The following CARS2 variants were observed in gnomAD, a reference collection of about 807,000 sequenced individuals.
The protein encoded by CARS2 is cysteinyl-tRNA synthetase 2, mitochondrial.
Under a neutral mutation model 68.8 loss-of-function variants are expected in CARS2, and 52 were observed. The ratio of observed to expected loss-of-function variants is 0.76; its 90% confidence interval spans 0.61 to 0.95. The LOEUF is 0.95. Ranked by LOEUF, CARS2 falls within the 40% of genes least tolerant of loss-of-function variation. The probability of loss-of-function intolerance (pLI) is 0.00; values close to 1 mark genes in which losing one functional copy is unlikely to be tolerated. For missense variants in CARS2, 780 were observed against 754.2 expected (o/e 1.03, Z -0.40); for synonymous variants, 314 against 303.6 (o/e 1.03, Z -0.36).
At chr13:110,660,219 G>A (rs968534360) in intron 9 of CARS2, among the ~76,000 whole-genome samples, 3 of 152,172 alleles carry the variant, frequency 2.0e-5, no homozygotes, top group Non-Finnish European at 2.9e-5. Flanking sequence ...AATTCCAATA[G>A]TTCTCTTGCT....
intron 10 of CARS2, chr13:110,648,822 G>C (rs2062118325): frequency 6.6e-6 from 1 of 152,296 alleles, no homozygotes; most frequent in East Asian, 1.9e-4. Flanking sequence ...AGCTCAAAAA[G>C]AACTGCACAC....
intron 9 of CARS2, 159 bp from the exon 10 acceptor site, chr13:110,651,259 G>A: frequency 1.8e-6 from 1 of 558,830 alleles, no homozygotes; most frequent in Non-Finnish European, 3.2e-6. Context: ...ATTACCACCT[G>A]TTTCCTGGTG....
chr13:110,711,591 C>T (rs1336538677), intron 1 of CARS2, among the ~76,000 whole-genome samples: 1 of 152,244 alleles, frequency 6.6e-6, no homozygotes, highest in Non-Finnish European at 1.5e-5. Context: ...TTGCTTTTAA[C>T]TAGGCCAAGA....
intron 6 of CARS2, among the ~76,000 whole-genome samples, chr13:110,680,637 A>C (rs1308887586): frequency 1.4e-5 from 2 of 147,978 alleles, no homozygotes; most frequent in South Asian, 2.2e-4. Context: ...TTGCAAAAAA[A>C]CACACAGGAC....
chr13:110,656,224 AC>A (rs2062363218), intron 9 of CARS2, among the ~76,000 whole-genome samples: 1 of 152,132 alleles, frequency 6.6e-6, no homozygotes. Context: ...AATCACTTGA[AC>A]CTGGGAGGCA....
In CARS2 at chr13:110,665,585, A is replaced by T. The variant is rs2062626557; in HGVS notation, c.919+1755T>A. The T allele has an allele frequency of 2.0e-6, 2 of 985,164 alleles. No individual in the cohort carries two copies. The highest frequency in any genetic ancestry group is 2.4e-6 in the Non-Finnish European group (2 of 829,938). 61.0% of individuals were successfully genotyped at this position (985,164 alleles called of 1,614,324 possible). ...TGCCCTTCTTGCCCCCCAGCTCCAC[A>T]CTCGCAGAAGGGCTCACAGCAGGTC... On this transcript the variant is annotated intron_variant, in intron 8 of 14. Transcript: ENST00000257347. The surrounding 1 kb of genome is among the most constrained non-coding windows in gnomAD (Gnocchi z 4.3).
upstream of CARS2, among the ~76,000 whole-genome samples, chr13:110,708,478 A>C (rs986812924): frequency 1.3e-5 from 2 of 152,252 alleles, no homozygotes; most frequent in African/African-American, 4.8e-5. Flanking sequence ...TGTTCATAGA[A>C]CATCACAACT....
chr13:110,664,305 G>A (rs1407506642), intron 8 of CARS2: 1 of 608,520 alleles, frequency 1.6e-6, no homozygotes, highest in Non-Finnish European at 2.1e-6. Flanking sequence ...CCAGGAGTTT[G>A]GAGACCAGTC....
At chr13:110,692,273 C>T (rs2063493053) in intron 3 of CARS2, among the ~76,000 whole-genome samples, 1 of 151,398 alleles carries the variant, frequency 6.6e-6, no homozygotes, top group Non-Finnish European at 1.5e-5. Flanking sequence ...AGTTCAAGAC[C>T]AGCCTGGCCA....
chr13:110,688,380 T>G (rs1594375305), intron 3 of CARS2, among the ~76,000 whole-genome samples: 1 of 152,150 alleles, frequency 6.6e-6, no homozygotes, highest in Admixed American at 6.5e-5. Flanking sequence ...GACCATGAGG[T>G]TGAAGCTGCG....
chr13:110,675,322 T>C (rs978571020), intron 7 of CARS2, among the ~76,000 whole-genome samples: 9 of 152,212 alleles, frequency 5.9e-5, no homozygotes, highest in African/African-American at 2.2e-4. Flanking sequence ...TGTCCACCAA[T>C]GATAGACTGG....
intron 2 of CARS2, among the ~76,000 whole-genome samples, chr13:110,703,356 G>T (rs1402445073): frequency 2.0e-5 from 3 of 152,182 alleles, no homozygotes; most frequent in African/African-American, 7.2e-5. Flanking sequence ...ATGGGGAGAG[G>T]GAGGTGGGGC....
At chr13:110,690,784 C>T (rs1198705364) in intron 3 of CARS2, among the ~76,000 whole-genome samples, 1 of 152,242 alleles carries the variant, frequency 6.6e-6, no homozygotes, top group Non-Finnish European at 1.5e-5. Context: ...CGACCAGCAA[C>T]ACCTGGAGGT....
chr13:110,690,085 G>A (rs909408468), intron 3 of CARS2, among the ~76,000 whole-genome samples: 7 of 152,086 alleles, frequency 4.6e-5, no homozygotes, highest in East Asian at 1.9e-4. Flanking sequence ...AAAATCAGCT[G>A]AGCGTGGTGG....
rs2063942982 is a variant in CARS2 at position 110,705,996 on chromosome 13, GC to G, written c.97del (p.Ala33ArgfsTer33). 1.3e-6 allele frequency: 2 copies of G among 1,498,408 alleles called. No homozygotes were observed. The highest frequency in any genetic ancestry group is 8.9e-7 in the Non-Finnish European group (1 of 1,128,668). The allele number at this position is 1,498,408 out of a possible 1,614,324, so 92.8% of individuals were successfully genotyped here. A position where few individuals can be genotyped will look rare whatever the true frequency, so the allele number is the denominator to read the frequency against. ...RAGWHWPAGR[A>X]ASGGRGRAWL... ...GGCCCGCCCGCGCCCCCCGCTCGCCGCCCGGCCCGCAGGCCAGTGCCACCCA... is the reference window on the plus strand; with the variant it reads ...GGCCCGCCCGCGCCCCCCGCTCGCCGCCGGCCCGCAGGCCAGTGCCACCCA... On this transcript the variant is annotated frameshift_variant, in exon 1 of 15. Coordinates refer to ENST00000257347, the MANE Select transcript of CARS2 (RefSeq NM_024537.4). LOFTEE classifies it high-confidence loss of function. The surrounding 1 kb of genome is among the most constrained non-coding windows in gnomAD (Gnocchi z 4.0).
At chr13:110,711,522 T>C (rs531034747) in intron 1 of CARS2, among the ~76,000 whole-genome samples, 26 of 152,372 alleles carry the variant, frequency 1.7e-4, no homozygotes, top group African/African-American at 5.5e-4. Flanking sequence ...CCAAGTGTTA[T>C]AGTCTTTTGT....
At position 110,642,512 on chromosome 13, in the gene CARS2, C is replaced by T; in HGVS notation, c.1426G>A (p.Gly476Arg). Residue 476 changes from glycine to arginine, a missense_variant, in exon 14 of 15, where the codon GGA (glycine) becomes AGA (arginine). Coordinates refer to ENST00000257347, the MANE Select transcript of CARS2 (RefSeq NM_024537.4). ...TGCAAGGTAGCCTCGCTGCCGTCTC[C>T]TGAAACGTACTGAAGCCAGCAGGGC... ...ISLANQQYVSGDGSEATLHGV... is the reference protein window; with the variant it reads ...ISLANQQYVSRDGSEATLHGV... 1.2e-6 allele frequency: 2 copies of T among 1,608,038 alleles called. No homozygotes were observed. Among genetic ancestry groups the T allele is most frequent in the Non-Finnish European group, 1.7e-6 (2 of 1,177,606 alleles).
chr13:110,674,415 C>A (rs955593011), intron 7 of CARS2, among the ~76,000 whole-genome samples: 1 of 151,244 alleles, frequency 6.6e-6, no homozygotes, highest in South Asian at 2.1e-4. Context: ...TAATACCACA[C>A]ATCTACAACC....
chr13:110,683,032 C>T lies in CARS2; in HGVS notation c.655+19G>A. The T allele has an allele frequency of 6.3e-7, 1 of 1,587,518 alleles. No individual in the cohort carries two copies. Among genetic ancestry groups the T allele is most frequent in the South Asian group, 1.1e-5 (1 of 88,032 alleles). ...AGGCAGAGGTCAGGGACCCACAGGG[C>T]TGAGCCCGGCCAACCCACCTGGCTC... On this transcript the variant is annotated intron_variant, in intron 6 of 14. Transcript: ENST00000257347.
Sources: gnomAD v4.1 joint callset for allele counts (sites outside exome capture counted in the v4.1 genomes callset) on GRCh38, gnomAD v4.1.1 for gene constraint, Gnocchi (gnomAD v3.1) non-coding constraint, MANE v1.5 for transcripts, NCBI Gene and HGNC (gene_info 2026-07-23, HGNC 2026-07-21) for gene names.